Variants in L3MBTL4 observed in about 807,000 individuals in gnomAD.
L3MBTL4 encodes L3MBTL histone methyl-lysine binding protein 4, also known as lethal(3)malignant brain tumor-like protein 4.
L3MBTL4 carries 70 observed loss-of-function variants against 84.5 expected under a neutral mutation model. That is an observed-to-expected ratio of 0.83 (90% CI 0.68 to 1.01). The LOEUF is 1.01. Ranked by LOEUF, L3MBTL4 falls within the 50% of genes least tolerant of loss-of-function variation. The pLI is 0.00. For synonymous variants in L3MBTL4, 274 were observed against 259.8 expected, an observed-to-expected ratio of 1.05 and a Z score of -0.52; for missense variants, 715 against 754.8, an observed-to-expected ratio of 0.95 and a Z score of 0.62.
At chr18:6,307,036 C>A (rs1346281691) in intron 3 of L3MBTL4, among the ~76,000 whole-genome samples, 6 of 152,140 alleles carry the variant, frequency 3.9e-5, no homozygotes, top group Non-Finnish European at 8.8e-5. Flanking sequence ...CAACCCCATA[C>A]CTTTGCTCAT....
rs73381956 is a variant in L3MBTL4 at position 6,154,817 on chromosome 18, T to G, written c.1097-16521A>C. 4.7e-3 allele frequency among the ~76,000 whole-genome samples: 709 copies of G among 152,258 alleles called. 3 individuals carry two copies. The highest frequency in any genetic ancestry group is 0.017 in the African/African-American group (686 of 41,544). The stretch of plus-strand genomic sequence containing the variant: ...ATGTGACTCCACTGTGTGAAAGAAT[T>G]TTCCTTGGCTGTCTGGCATTATATA... On this transcript the variant is annotated intron_variant, in intron 13 of 18. Coordinates refer to ENST00000317931, the MANE Select transcript of L3MBTL4 (RefSeq NM_001330559.2).
At chr18:6,377,762 G>A (rs1263961844) in intron 1 of L3MBTL4, among the ~76,000 whole-genome samples, 1 of 152,182 alleles carries the variant, frequency 6.6e-6, no homozygotes, top group East Asian at 1.9e-4. Flanking sequence ...TTGCTATTGT[G>A]AATAGCGCCA....
At chr18:6,068,780 G>A (rs958402639) in intron 16 of L3MBTL4, among the ~76,000 whole-genome samples, 5 of 152,190 alleles carry the variant, frequency 3.3e-5, no homozygotes, top group African/African-American at 1.2e-4. Flanking sequence ...GGGTAGAGGT[G>A]TAGACTTTCT....
intron 1 of L3MBTL4, among the ~76,000 whole-genome samples, chr18:6,409,208 T>C (rs772132304): frequency 3.9e-5 from 6 of 152,202 alleles, no homozygotes; most frequent in African/African-American, 9.6e-5. Context: ...TGGGCTTTAA[T>C]TGGCATCAGC....
intron 16 of L3MBTL4, among the ~76,000 whole-genome samples, chr18:6,001,605 A>T (rs2145268342): frequency 6.6e-6 from 1 of 152,228 alleles, no homozygotes; most frequent in Middle Eastern, 3.4e-3. Flanking sequence ...AAAACAGGAA[A>T]GTATGACCCA....
At chr18:6,355,548 G>A (rs1178147398) in intron 1 of L3MBTL4, among the ~76,000 whole-genome samples, 1 of 151,894 alleles carries the variant, frequency 6.6e-6, no homozygotes, top group Non-Finnish European at 1.5e-5. Flanking sequence ...GACTTGTCAA[G>A]ATGCTTATCA....
chr18:6,229,386 G>T lies in L3MBTL4; in HGVS notation c.784+8578C>A, dbSNP rs2046903893. On this transcript the variant is annotated intron_variant, in intron 10 of 18. Transcript: ENST00000317931. The stretch of plus-strand genomic sequence containing the variant: ...TACCCTGGATATTAATCCCTTATCA[G>T]ATATATGATATGCAAATTTTTTCCA... Among the ~76,000 whole-genome samples, 3 of 152,038 alleles carry T rather than the reference G, an allele frequency of 2.0e-5. No homozygotes were observed. The South Asian group carries it at 6.2e-4, about 32-fold the overall frequency.
At chr18:6,033,567 C>T (rs1469752511) in intron 16 of L3MBTL4, among the ~76,000 whole-genome samples, 1 of 152,188 alleles carries the variant, frequency 6.6e-6, no homozygotes, top group African/African-American at 2.4e-5. Context: ...ATTACGATTA[C>T]ATTACTTGTA....
chr18:6,203,490 A>G (rs532356030), intron 12 of L3MBTL4, among the ~76,000 whole-genome samples: 17 of 152,346 alleles, frequency 1.1e-4, no homozygotes, highest in African/African-American at 4.1e-4. Context: ...AGAGAACCTT[A>G]TAACAGTATT....
chr18:6,208,376 C>G (rs2045961278), intron 12 of L3MBTL4, among the ~76,000 whole-genome samples: 1 of 152,148 alleles, frequency 6.6e-6, no homozygotes, highest in Non-Finnish European at 1.5e-5. Context: ...TTCTCTTGGT[C>G]ATGATGCTCT....
rs574868794 is a variant in L3MBTL4, at chr18:6,210,052, G to A, written c.981+3097C>T. ...GTACAAGGTTGCTTTCTAGGGTGATGAAAATGTTTAAATTTAGTGGTGATG... is the reference window on the plus strand; with the variant it reads ...GTACAAGGTTGCTTTCTAGGGTGATAAAAATGTTTAAATTTAGTGGTGATG... On this transcript the variant is annotated intron_variant, in intron 12 of 18. Transcript: ENST00000317931. Among the ~76,000 whole-genome samples the A allele has an allele frequency of 7.9e-5, 12 of 152,276 alleles. No homozygotes were observed. In the South Asian group the frequency reaches 2.1e-3, roughly 26 times the overall value.
chr18:6,193,287 T>C (rs772210688), intron 12 of L3MBTL4, among the ~76,000 whole-genome samples: 1 of 150,794 alleles, frequency 6.6e-6, no homozygotes, highest in East Asian at 2.0e-4. Flanking sequence ...AGCCAACAGC[T>C]AAAATAACCA....
intron 12 of L3MBTL4, among the ~76,000 whole-genome samples, chr18:6,190,424 G>A (rs544527246): frequency 3.3e-5 from 5 of 152,240 alleles, no homozygotes; most frequent in South Asian, 4.1e-4. Flanking sequence ...GTAACTATAC[G>A]TAAATTATCC....
intron 4 of L3MBTL4, among the ~76,000 whole-genome samples, chr18:6,275,136 T>C (rs767878331): frequency 6.6e-6 from 1 of 152,046 alleles, no homozygotes; most frequent in African/African-American, 2.4e-5. Flanking sequence ...TGCAGGGTAC[T>C]AAAGCAGAGG....
At chr18:6,068,428 A>G (rs2145949412) in intron 16 of L3MBTL4, among the ~76,000 whole-genome samples, 1 of 152,264 alleles carries the variant, frequency 6.6e-6, no homozygotes, top group East Asian at 1.9e-4. Context: ...ATCAGAGTGA[A>G]GGGTGGAAGC....
Position 6,046,594 on chromosome 18 carries a change from C to T in L3MBTL4, c.1444+34287G>A, listed in dbSNP as rs1347891401. 8 of 558,636 alleles carry T rather than the reference C, an allele frequency of 1.4e-5. No homozygotes were observed. The Admixed American group carries it at 2.5e-4, about 18-fold the overall frequency. 34.6% of individuals were successfully genotyped at this position (558,636 alleles called of 1,614,324 possible). ...GGTGGAATTAAAATAGAAATCAATA[C>T]CAAGATCTCCCAAAACCACACATTA... is the stretch of plus-strand genomic sequence containing the variant. On this transcript the variant is annotated intron_variant, in intron 16 of 18. Coordinates refer to ENST00000317931, the MANE Select transcript of L3MBTL4 (RefSeq NM_001330559.2).
intron 12 of L3MBTL4, among the ~76,000 whole-genome samples, chr18:6,196,380 ATCTC>A (rs1386216850): frequency 6.6e-6 from 1 of 151,920 alleles, no homozygotes; most frequent in Admixed American, 6.6e-5. Context: ...GATGGTCTTG[ATCTC>A]CTGACCTCAT....
chr18:6,400,882 G>C (rs9959298), intron 1 of L3MBTL4, among the ~76,000 whole-genome samples: 1 of 152,074 alleles, frequency 6.6e-6, no homozygotes, highest in African/African-American at 2.4e-5. Context: ...TGCTGACCAC[G>C]GGCAGAGCAG....
intron 16 of L3MBTL4, chr18:6,031,048 C>A: frequency 2.0e-6 from 2 of 985,414 alleles, no homozygotes; most frequent in Non-Finnish European, 2.4e-6. Flanking sequence ...GGCTGGACTG[C>A]TCCATAAAAC....
Sources: gnomAD v4.1 joint callset for allele counts (sites outside exome capture counted in the v4.1 genomes callset) on GRCh38, gnomAD v4.1.1 for gene constraint, MANE v1.5 for transcripts, NCBI Gene and HGNC (gene_info 2026-07-23, HGNC 2026-07-21) for gene names.